The following MCPH1 variants were observed in gnomAD, a reference collection of about 807,000 sequenced individuals.
The protein encoded by MCPH1 is microcephalin 1.
Under a neutral mutation model 84.5 loss-of-function variants are expected in MCPH1, and 104 were observed. The observed-to-expected ratio is 1.23, with a 90% CI of 1.05 to 1.45. The LOEUF (loss-of-function observed/expected upper bound fraction) is 1.45, where lower values mean the gene tolerates loss of function less well. Among genes scored for constraint, MCPH1 ranks in the 40% most tolerant of loss-of-function variants. The pLI, the probability that MCPH1 is intolerant of heterozygous loss-of-function variation, is 0.00. For synonymous variants in MCPH1, 514 were observed against 366.8 expected, an observed-to-expected ratio of 1.40 and a Z score of -4.58; for missense variants, 1,498 against 1,005.7, an observed-to-expected ratio of 1.49 and a Z score of -6.62.
At chr8:6,409,197 T>G in intron 1 of MCPH1, 82 bp from the exon 2 acceptor site, 1 of 1,233,204 alleles carries the variant, frequency 8.1e-7, no homozygotes, top group Non-Finnish European at 1.2e-6. Flanking sequence ...GGTTTACTCT[T>G]AAATGTAAAT....
chr8:6,563,769 T>G (rs1315780060), intron 12 of MCPH1, among the ~76,000 whole-genome samples: 2 of 152,174 alleles, frequency 1.3e-5, no homozygotes, highest in Non-Finnish European at 2.9e-5. Flanking sequence ...CTAGCCAAGT[T>G]ACAAAAGATT....
In MCPH1 at chr8:6,574,748, G is replaced by A. The variant is rs182068081; in HGVS notation, c.2215-46706G>A. On this transcript the variant is annotated intron_variant, in intron 12 of 13. Transcript: ENST00000344683. ...CATCCCAGGTGTAGGACAGAGAGAC[G>A]AGATAAGGACCAGGAGAGAAAGTGA... Among the ~76,000 whole-genome samples, 70 of 152,288 alleles carry A rather than the reference G, an allele frequency of 4.6e-4. 1 individual carries two copies. Among genetic ancestry groups the A allele is most frequent in the Non-Finnish European group, 8.2e-4 (56 of 68,028 alleles).
intron 5 of MCPH1, among the ~76,000 whole-genome samples, chr8:6,438,742 G>A (rs980783516): frequency 2.6e-5 from 4 of 152,174 alleles, no homozygotes; most frequent in African/African-American, 2.4e-5. Flanking sequence ...GCTTGGTGAG[G>A]GCAGTTGCTC....
chr8:6,431,465 A>G (rs1160672793), intron 3 of MCPH1, 34 bp from the exon 4 acceptor site: 8 of 1,517,040 alleles, frequency 5.3e-6, no homozygotes, highest in South Asian at 1.1e-5. Context: ...ATAGAAGCAA[A>G]TACTCATTAG....
intron 8 of MCPH1, among the ~76,000 whole-genome samples, chr8:6,453,548 A>G (rs144731215): frequency 2.0e-5 from 3 of 152,310 alleles, no homozygotes; most frequent in Non-Finnish European, 2.9e-5. Flanking sequence ...TGAATACACT[A>G]GGAAGCTGCA....
At chr8:6,607,493 C>A (rs542769371) in intron 12 of MCPH1, among the ~76,000 whole-genome samples, 1 of 152,310 alleles carries the variant, frequency 6.6e-6, no homozygotes, top group African/African-American at 2.4e-5. Flanking sequence ...GGGAAGGGCC[C>A]CAGCCATGAA....
rs199724219 is a variant in MCPH1, at chr8:6,444,966, A to G, written c.1244A>G (p.Tyr415Cys). ...LSCGESSYDD[Y>C]FSPDNLKERY... ...TGTGGGGAGTCTTCATATGATGACT[A>G]TTTTTCACCTGATAATCTTAAGGAA... is the stretch of plus-strand genomic sequence containing the variant. Residue 415 changes from tyrosine to cysteine, a missense_variant, in exon 8 of 14, where the codon TAT becomes TGT. Transcript: ENST00000344683. The G allele has an allele frequency of 7.7e-5, 124 of 1,614,080 alleles. No individual in the cohort carries two copies. Among genetic ancestry groups the G allele is most frequent in the East Asian group, 6.9e-4 (31 of 44,878 alleles).
chr8:6,506,781 T>G (rs909898056), intron 12 of MCPH1, among the ~76,000 whole-genome samples: 25 of 150,608 alleles, frequency 1.7e-4, no homozygotes, highest in African/African-American at 6.1e-4. Flanking sequence ...AGGATTGCTT[T>G]TTTTTTTTTT....
At chr8:6,548,989 T>C (rs776513792) in intron 12 of MCPH1, among the ~76,000 whole-genome samples, 22 of 152,342 alleles carry the variant, frequency 1.4e-4, no homozygotes, top group Non-Finnish European at 3.1e-4. Flanking sequence ...ATCAATCTAT[T>C]CCTCAAAAGT....
chr8:6,507,103 G>C (rs1182183372), intron 12 of MCPH1, among the ~76,000 whole-genome samples: 1 of 152,046 alleles, frequency 6.6e-6, no homozygotes. Context: ...TTGCCATGTT[G>C]GCCAGGCTGG....
chr8:6,645,716 G>A lies in MCPH1; in HGVS notation c.*2667G>A, dbSNP rs1462815572. On this transcript the variant is annotated 3_prime_UTR_variant, in exon 14 of 14. Coordinates refer to ENST00000344683, the MANE Select transcript of MCPH1 (RefSeq NM_024596.5). ...GATTATATACAAACCTAACAGAATTGTATTTATATATACTGTCAATAAGCA... is the reference window on the plus strand; with the variant it reads ...GATTATATACAAACCTAACAGAATTATATTTATATATACTGTCAATAAGCA... 1 of 147,752 alleles carries A rather than the reference G, an allele frequency of 6.8e-6. No homozygotes were observed. Among genetic ancestry groups the A allele is most frequent in the Non-Finnish European group, 1.5e-5 (1 of 67,128 alleles). The allele number at this position is 147,752 out of a possible 1,614,324, so 9.2% of individuals were successfully genotyped here.
chr8:6,585,525 G>T (rs1291407112), intron 12 of MCPH1, among the ~76,000 whole-genome samples: 1 of 152,226 alleles, frequency 6.6e-6, no homozygotes, highest in African/African-American at 2.4e-5. Flanking sequence ...GCTCTGGCAG[G>T]CTTCTCCAGC....
intron 9 of MCPH1, among the ~76,000 whole-genome samples, chr8:6,458,543 G>A (rs555274460): frequency 6.6e-6 from 1 of 151,680 alleles, no homozygotes; most frequent in Admixed American, 6.6e-5. Context: ...TTTTAGGAGC[G>A]CAAATTTGAT....
At chr8:6,437,616 A>C (rs1189879406) in intron 5 of MCPH1, among the ~76,000 whole-genome samples, 1 of 152,150 alleles carries the variant, frequency 6.6e-6, no homozygotes, top group Non-Finnish European at 1.5e-5. Flanking sequence ...TTTTCCAGAA[A>C]CATGGCCTGC....
In MCPH1 at chr8:6,421,090, T is replaced by C. The variant is rs538540525; in HGVS notation, c.233+6207T>C. Among the ~76,000 whole-genome samples the C allele has an allele frequency of 2.9e-4, 44 of 152,334 alleles. No individual in the cohort carries two copies. The South Asian group carries it at 8.7e-3, about 30-fold the overall frequency. On this transcript the variant is annotated intron_variant, in intron 3 of 13. Coordinates refer to ENST00000344683, the MANE Select transcript of MCPH1 (RefSeq NM_024596.5). ...GCTGCCCGCATGCACAGTGCGGGAATTGAGCACAGGCAGCTTGTTTAGGAA... is the reference window on the plus strand; with the variant it reads ...GCTGCCCGCATGCACAGTGCGGGAACTGAGCACAGGCAGCTTGTTTAGGAA...
At chr8:6,482,679 C>A (rs1287792363) in intron 11 of MCPH1, among the ~76,000 whole-genome samples, 1 of 152,196 alleles carries the variant, frequency 6.6e-6, no homozygotes, top group Non-Finnish European at 1.5e-5. Context: ...GGATAGAGAC[C>A]TGCTCCCTGG....
intron 12 of MCPH1, among the ~76,000 whole-genome samples, chr8:6,596,723 C>T (rs919096220): frequency 2.0e-5 from 3 of 152,020 alleles, no homozygotes; most frequent in African/African-American, 4.8e-5. Flanking sequence ...CACAATGCAA[C>T]GATGCCAAAA....
At chr8:6,432,245 C>T (rs777462848) in intron 4 of MCPH1, among the ~76,000 whole-genome samples, 44 of 152,230 alleles carry the variant, frequency 2.9e-4, no homozygotes, top group Non-Finnish European at 5.7e-4. Flanking sequence ...GGATTACAGG[C>T]GTGAGCCACT....
chr8:6,610,284 C>G (rs374061874), intron 12 of MCPH1, among the ~76,000 whole-genome samples: 1 of 152,208 alleles, frequency 6.6e-6, no homozygotes, highest in Non-Finnish European at 1.5e-5. Context: ...AAAACACGAG[C>G]CACCTTGATT....
Sources: gnomAD v4.1 joint callset for allele counts (sites outside exome capture counted in the v4.1 genomes callset) on GRCh38, gnomAD v4.1.1 for gene constraint, MANE v1.5 for transcripts, NCBI Gene and HGNC (gene_info 2026-07-23, HGNC 2026-07-21) for gene names.